The following RASEF variants were observed in gnomAD, a reference collection of about 807,000 sequenced individuals.
The protein encoded by RASEF is RAS and EF-hand domain containing.
RASEF carries 68 observed loss-of-function variants against 90.1 expected under a neutral mutation model. The observed-to-expected ratio is 0.75, with a 90% confidence interval of 0.62 to 0.92. The LOEUF is 0.92. RASEF is among the 40% of genes least tolerant of loss of function. RASEF has a pLI of 0.00. For missense variants in RASEF, 949 were observed against 937.2 expected (o/e 1.01, Z -0.16); for synonymous variants, 331 against 345.2 (o/e 0.96, Z 0.46).
chr9:83,163,319 C>T, the RASEF span, among the ~76,000 whole-genome samples: 2 of 152,146 alleles, frequency 1.3e-5, no homozygotes. Context: ...CCCAGTAACT[C>T]ATGTCCAGGT....
At chr9:83,028,919 C>T (rs952654516) in intron 1 of RASEF, among the ~76,000 whole-genome samples, 1 of 152,150 alleles carries the variant, frequency 6.6e-6, no homozygotes, top group Non-Finnish European at 1.5e-5. Flanking sequence ...CAGACATACA[C>T]ACAGAGAAGA....
intron 1 of RASEF, among the ~76,000 whole-genome samples, chr9:83,042,057 C>T (rs2118643627): frequency 6.6e-6 from 1 of 152,296 alleles, no homozygotes; most frequent in East Asian, 1.9e-4. Context: ...TTACATTTAT[C>T]TCAGTTTATA....
At chr9:83,174,542 T>C in the RASEF span, among the ~76,000 whole-genome samples, 1 of 152,200 alleles carries the variant, frequency 6.6e-6, no homozygotes. Context: ...TCTTGTTTAT[T>C]ATAGCTTTGT....
rs74468982 is a variant in RASEF, at chr9:82,984,068, C to T, written c.2118-1286G>A. Among the ~76,000 whole-genome samples the T allele has an allele frequency of 2.5e-4, 38 of 152,260 alleles. No individual in the cohort carries two copies. In the East Asian group the frequency reaches 5.6e-3, roughly 22 times the overall value. The stretch of plus-strand genomic sequence containing the variant: ...TGATGAAGCACTTAACTGAAACTAG[C>T]GGGAATCTGTGTCTCTCCAGCAGAG... On this transcript the variant is annotated intron_variant, in intron 16 of 16. Transcript: ENST00000376447.
chr9:83,144,358 A>AGGAAGGAAGGAAGGAAGGAAG, the RASEF span, among the ~76,000 whole-genome samples: 1 of 106,562 alleles, frequency 9.4e-6, no homozygotes, highest in African/African-American at 4.0e-5. Context: ...AAAGAAAGAA[A>AGGAAGGAAGGAAGGAAGGAAG]GAAAGAAAGA....
At chr9:83,141,817 C>T in the RASEF span, among the ~76,000 whole-genome samples, 1 of 152,134 alleles carries the variant, frequency 6.6e-6, no homozygotes, top group Non-Finnish European at 1.5e-5. Flanking sequence ...GGAAAAAGTA[C>T]ATTCCTGGCT....
intron 4 of RASEF, among the ~76,000 whole-genome samples, chr9:83,014,843 T>C (rs1246776187): frequency 6.6e-6 from 1 of 152,180 alleles, no homozygotes; most frequent in East Asian, 1.9e-4. Flanking sequence ...ACCATGGAAA[T>C]CAACAAATGA....
the RASEF span, among the ~76,000 whole-genome samples, chr9:83,180,429 T>A: frequency 1.3e-5 from 2 of 151,908 alleles, no homozygotes; most frequent in African/African-American, 4.8e-5. Flanking sequence ...CAAGTCAGTA[T>A]CTTGCCATAG....
At chr9:83,055,853 T>A (rs1486981094) in intron 1 of RASEF, among the ~76,000 whole-genome samples, 1 of 152,222 alleles carries the variant, frequency 6.6e-6, no homozygotes, top group African/African-American at 2.4e-5. Flanking sequence ...TTGAGAAACA[T>A]TCGATGTGAA....
the RASEF span, among the ~76,000 whole-genome samples, chr9:83,184,181 A>G: frequency 6.6e-6 from 1 of 152,280 alleles, no homozygotes; most frequent in African/African-American, 2.4e-5. Flanking sequence ...CCAATCACTA[A>G]GGTAGGGCTT....
the RASEF span, among the ~76,000 whole-genome samples, chr9:83,111,334 C>A: frequency 6.6e-6 from 1 of 151,942 alleles, no homozygotes; most frequent in South Asian, 2.1e-4. Context: ...AGGGTGGTTA[C>A]CAGGGTTTGA....
the RASEF span, among the ~76,000 whole-genome samples, chr9:83,165,134 A>G: frequency 6.6e-6 from 1 of 152,058 alleles, no homozygotes; most frequent in African/African-American, 2.4e-5. Context: ...AAACTCAACA[A>G]CACCACCATC....
chr9:83,000,674 G>T, intron 10 of RASEF, 104 bp from the exon 11 acceptor site: 1 of 1,096,048 alleles, frequency 9.1e-7, no homozygotes, highest in Non-Finnish European at 1.3e-6. Context: ...AAACTATGCA[G>T]CTAAATCAAC....
chr9:83,002,330 A>G (rs894548532), intron 9 of RASEF, among the ~76,000 whole-genome samples: 9 of 152,152 alleles, frequency 5.9e-5, no homozygotes, highest in Non-Finnish European at 1.2e-4. Context: ...AATTAATTAA[A>G]AAGATGATGT....
the RASEF span, among the ~76,000 whole-genome samples, chr9:83,075,823 T>C: frequency 9.2e-5 from 14 of 152,018 alleles, no homozygotes; most frequent in African/African-American, 3.4e-4. Context: ...AAAGCTCCTG[T>C]TCCCAGAAGT....
chr9:83,076,543 TA>T, the RASEF span, among the ~76,000 whole-genome samples: 1 of 149,652 alleles, frequency 6.7e-6, no homozygotes, highest in Non-Finnish European at 1.5e-5. Flanking sequence ...AAAGATAAGG[TA>T]GATTTTATTA....
At chr9:83,137,031 G>T in the RASEF span, among the ~76,000 whole-genome samples, 1 of 151,988 alleles carries the variant, frequency 6.6e-6, no homozygotes, top group Non-Finnish European at 1.5e-5. Context: ...TTATAATTGG[G>T]TGAGATTTTT....
the RASEF span, among the ~76,000 whole-genome samples, chr9:83,101,693 C>T: frequency 2.0e-5 from 3 of 152,190 alleles, no homozygotes; most frequent in African/African-American, 2.4e-5. Flanking sequence ...CCTTCCATAA[C>T]GTTGCTGTAA....
At chr9:83,185,413 C>T in the RASEF span, among the ~76,000 whole-genome samples, 1 of 150,096 alleles carries the variant, frequency 6.7e-6, no homozygotes, top group Non-Finnish European at 1.5e-5. Context: ...TCTCAAACTC[C>T]TGGGCTCAAG....
Sources: allele counts gnomAD v4.1 joint callset (sites outside exome capture counted in the v4.1 genomes callset), GRCh38; gene constraint gnomAD v4.1.1; transcripts MANE v1.5; gene names NCBI Gene and HGNC (gene_info 2026-07-23, HGNC 2026-07-21).